The following MYT1L variants were observed in gnomAD, a reference collection of about 807,000 sequenced individuals.
The protein encoded by MYT1L is myelin transcription factor 1-like protein.
MYT1L carries 12 observed loss-of-function variants against 126.7 expected under a neutral mutation model. The observed-to-expected ratio is 0.09, with a 90% CI of 0.06 to 0.15. MYT1L has a LOEUF of 0.15. Ranked by LOEUF, MYT1L falls within the 10% of genes least tolerant of loss-of-function variation. The probability of loss-of-function intolerance (pLI) is 1.00; values close to 1 mark genes in which losing one functional copy is unlikely to be tolerated. For missense variants in MYT1L, 979 were observed against 1,585.2 expected (o/e 0.62, Z 6.49); for synonymous variants, 541 against 604.2 (o/e 0.90, Z 1.53).
At chr2:2,131,209 C>T (rs1257916659) in intron 3 of MYT1L, among the ~76,000 whole-genome samples, 3 of 152,108 alleles carry the variant, frequency 2.0e-5, no homozygotes, top group East Asian at 1.9e-4. Context: ...TCGTGCAGCT[C>T]GGAGGAAAAG....
At chr2:2,174,468 G>C (rs1234640864) in intron 2 of MYT1L, among the ~76,000 whole-genome samples, 1 of 152,112 alleles carries the variant, frequency 6.6e-6, no homozygotes, top group Non-Finnish European at 1.5e-5. Flanking sequence ...ACAAACAATG[G>C]CTTCTTTTAC....
chr2:1,952,007 T>G (rs1406522209), intron 8 of MYT1L, among the ~76,000 whole-genome samples: 1 of 152,252 alleles, frequency 6.6e-6, no homozygotes, highest in Non-Finnish European at 1.5e-5. Context: ...ACATACTTCC[T>G]TCCTTTTAAA....
At chr2:2,039,008 G>A (rs1322709670) in intron 4 of MYT1L, among the ~76,000 whole-genome samples, 3 of 152,128 alleles carry the variant, frequency 2.0e-5, no homozygotes, top group Admixed American at 6.5e-5. Context: ...CCTCTCTGCC[G>A]ATGAGGCACT....
At position 2,228,957 on chromosome 2, in the gene MYT1L, C is replaced by CG. The variant is rs1211277246; in HGVS notation, c.-421+55446dup. 6.6e-6 allele frequency among the ~76,000 whole-genome samples: 1 copy of CG among 151,986 alleles called. No homozygotes were observed. Among genetic ancestry groups the CG allele is most frequent in the African/African-American group, 2.4e-5 (1 of 41,362 alleles). ...GTAGAGAAGGATATGAAGTGAAACA[C>CG]GGGGGTCTTCCAACGTATCCAGCTG... On this transcript the variant is annotated intron_variant, in intron 2 of 24. Transcript: ENST00000647738. This position sits in a 1 kb window ranked among gnomAD's most constrained non-coding sequence, Gnocchi z 5.9.
intron 4 of MYT1L, among the ~76,000 whole-genome samples, chr2:1,999,944 A>G (rs925357973): frequency 3.3e-5 from 5 of 152,250 alleles, no homozygotes; most frequent in Admixed American, 6.5e-5. Flanking sequence ...AAGTTGTCAT[A>G]TAAAGCATGC....
intron 18 of MYT1L, among the ~76,000 whole-genome samples, chr2:1,883,206 T>TATC (rs2047784808): frequency 6.6e-6 from 1 of 152,216 alleles, no homozygotes; most frequent in Non-Finnish European, 1.5e-5. Context: ...AATCTTAATT[T>TATC]GGCCAACCGA....
chr2:1,934,319 T>C (rs2055529532), intron 9 of MYT1L, among the ~76,000 whole-genome samples: 1 of 138,640 alleles, frequency 7.2e-6, no homozygotes, highest in Non-Finnish European at 1.5e-5. Context: ...CAACCTCATA[T>C]ATGTAATTTA....
At chr2:2,279,879 G>C (rs1344673163) in intron 2 of MYT1L, among the ~76,000 whole-genome samples, 1 of 152,178 alleles carries the variant, frequency 6.6e-6, no homozygotes, top group Non-Finnish European at 1.5e-5. Flanking sequence ...GCTGTTGTTA[G>C]CAGACAGCAC....
chr2:1,796,678 ATCCCAGCC>A (rs138211603), intron 23 of MYT1L, among the ~76,000 whole-genome samples: 5,338 of 152,178 alleles, frequency 0.035, 158 homozygotes, highest in East Asian at 0.15. Flanking sequence ...GGGGGGCAGC[ATCCCAGCC>A]TCCCAGCCGG....
intron 4 of MYT1L, among the ~76,000 whole-genome samples, chr2:2,038,966 C>T (rs1463167685): frequency 1.3e-5 from 2 of 152,152 alleles, no homozygotes; most frequent in Admixed American, 1.3e-4. Flanking sequence ...AGCCCTGGCA[C>T]ACTGGGTTGT....
At chr2:2,094,777 TG>T (rs1193057490) in intron 3 of MYT1L, among the ~76,000 whole-genome samples, 2 of 41,766 alleles carry the variant, frequency 4.8e-5, no homozygotes, top group East Asian at 8.9e-4. Flanking sequence ...TGCTGTGGGG[TG>T]GGGGGAGGGG....
intron 18 of MYT1L, among the ~76,000 whole-genome samples, chr2:1,863,027 A>C (rs2044912814): frequency 6.6e-6 from 1 of 152,208 alleles, no homozygotes; most frequent in Non-Finnish European, 1.5e-5. Context: ...CCAGGGATAC[A>C]GGGCTGGCCC....
Position 1,956,397 on chromosome 2 carries a change from T to TCTGA in MYT1L, c.153-13064_153-13063insTCAG, listed in dbSNP as rs1435645967. 4.5e-4 allele frequency among the ~76,000 whole-genome samples: 35 copies of TCTGA among 77,162 alleles called. 3 individuals carry two copies. The highest frequency in any genetic ancestry group is 7.8e-4 in the Non-Finnish European group (31 of 39,786). 50.6% of individuals were successfully genotyped at this position (77,162 alleles called of 152,430 possible). A position where few individuals can be genotyped will look rare whatever the true frequency, so the allele number is the denominator to read the frequency against. Reference sequence around the variant, plus strand: ...TATTCTATATTTCCTATTCTTTCTATCTGTCTGTCTATCTATCTATCTATC... The same window carrying TCTGA: ...TATTCTATATTTCCTATTCTTTCTATCTGACTGTCTGTCTATCTATCTATCTATC... On this transcript the variant is annotated intron_variant, in intron 8 of 24. Coordinates refer to ENST00000647738, the MANE Select transcript of MYT1L (RefSeq NM_001303052.2).
chr2:2,045,592 A>G (rs938167351), intron 4 of MYT1L, among the ~76,000 whole-genome samples: 2 of 152,234 alleles, frequency 1.3e-5, no homozygotes, highest in Non-Finnish European at 2.9e-5. Flanking sequence ...TTTTCTTAAG[A>G]GAGCATGCAA....
At chr2:1,895,105 A>G (rs1399485045) in intron 14 of MYT1L, among the ~76,000 whole-genome samples, 1 of 152,236 alleles carries the variant, frequency 6.6e-6, no homozygotes, top group African/African-American at 2.4e-5. Context: ...TCCCATTCAC[A>G]GTAGCCACAA....
At chr2:2,229,581 A>G (rs2094110563) in intron 2 of MYT1L, among the ~76,000 whole-genome samples, 1 of 151,108 alleles carries the variant, frequency 6.6e-6, no homozygotes, top group African/African-American at 2.4e-5. Context: ...AGCTGGGAAC[A>G]CAGGTGGAGA....
chr2:2,114,523 T>C (rs1338611216), intron 3 of MYT1L, among the ~76,000 whole-genome samples: 8 of 152,244 alleles, frequency 5.3e-5, no homozygotes, highest in Non-Finnish European at 1.2e-4. Flanking sequence ...CTTTCCTTCA[T>C]GATATTTGCC....
intron 3 of MYT1L, among the ~76,000 whole-genome samples, chr2:2,072,630 G>A (rs11127379): frequency 0.043 from 6,532 of 152,260 alleles, 214 homozygotes; most frequent in Non-Finnish European, 0.066. Flanking sequence ...GCGCAAATCC[G>A]ATCTCCAATT....
In MYT1L at chr2:1,874,539, C is replaced by G. The variant is rs1277295190; in HGVS notation, c.2711+12000G>C. 5.9e-5 allele frequency among the ~76,000 whole-genome samples: 9 copies of G among 152,302 alleles called. No homozygotes were observed. In the South Asian group the frequency reaches 1.9e-3, roughly 32 times the overall value. On this transcript the variant is annotated intron_variant, in intron 18 of 24. Transcript: ENST00000647738. The stretch of plus-strand genomic sequence containing the variant: ...CAGGGCATGATGGGGGGCAGCCAGG[C>G]GTACCTAATGGGCAATGATGTGGCT...
Sources: gnomAD v4.1 joint callset for allele counts (sites outside exome capture counted in the v4.1 genomes callset) on GRCh38, gnomAD v4.1.1 for gene constraint, Gnocchi (gnomAD v3.1) non-coding constraint, MANE v1.5 for transcripts, NCBI Gene and HGNC (gene_info 2026-07-23, HGNC 2026-07-21) for gene names.